The following BCAP31 variants were observed in gnomAD, a reference collection of about 807,000 sequenced individuals.
The protein encoded by BCAP31 is B-cell receptor-associated protein 31.
For synonymous variants in BCAP31, 75 were observed against 80.9 expected, an observed-to-expected ratio of 0.93 and a Z score of 0.39; for missense variants, 124 against 193.0, an observed-to-expected ratio of 0.64 and a Z score of 2.12.
At chrX:153,723,921 GGACCAAGCGCAAAGGCAGGTCTC>G (rs1275548133) in intron 1 of BCAP31, 6 of 492,143 alleles carry the variant, frequency 1.2e-5, no homozygotes, top group South Asian at 5.0e-5. Flanking sequence ...GCAGGATTCG[GGACCAAGCGCAAAGGCAGGTCTC>G]GACCAAGCAC....
At chrX:153,710,473 C>T (rs868921307) in intron 4 of BCAP31, among the ~76,000 whole-genome samples, 2 of 111,547 alleles carry the variant, frequency 1.8e-5, no homozygotes, top group African/African-American at 3.3e-5. Flanking sequence ...GAAATGGCCA[C>T]GATGGTTGGG....
intron 3 of BCAP31, among the ~76,000 whole-genome samples, chrX:153,720,635 AT>A (rs1221890689): frequency 1.8e-5 from 2 of 112,209 alleles, no homozygotes; most frequent in Non-Finnish European, 3.8e-5. Context: ...AAGTGCTGGG[AT>A]TACAGGCATG....
intron 4 of BCAP31, among the ~76,000 whole-genome samples, chrX:153,709,104 G>A (rs1282596692): frequency 8.9e-6 from 1 of 111,973 alleles, no homozygotes; most frequent in African/African-American, 3.2e-5. Context: ...GTTTTGCTGT[G>A]TATCTTTTTT....
intron 4 of BCAP31, among the ~76,000 whole-genome samples, chrX:153,704,387 G>A (rs1185584160): frequency 8.9e-6 from 1 of 112,310 alleles, no homozygotes; most frequent in East Asian, 2.8e-4. Context: ...GTCCCAGAAC[G>A]CGGCACTTTC....
At chrX:153,703,786 G>A (rs2091535250) in intron 5 of BCAP31, among the ~76,000 whole-genome samples, 173 bp downstream of exon 5, 3 of 112,318 alleles carry the variant, frequency 2.7e-5, no homozygotes, top group Admixed American at 9.4e-5. Flanking sequence ...GACGCCTCCA[G>A]CAGGCATACT....
At position 153,712,621 on chromosome X, in the gene BCAP31, T is replaced by G. The variant is rs782046789; in HGVS notation, c.341+2921A>C. On this transcript the variant is annotated intron_variant, in intron 4 of 7. Transcript: ENST00000345046. ...GGGCGTGGTGGCTCAGCTGCCGCAC[T>G]CTCCCGTGTTCCCATCCAGTAGCCT... 8.2e-5 allele frequency among the ~76,000 whole-genome samples: 9 copies of G among 109,919 alleles called. No homozygotes were observed. In the East Asian group the frequency reaches 2.6e-3, roughly 31 times the overall value.
At chrX:153,701,008 T>C in intron 7 of BCAP31, 33 bp from the exon 8 acceptor site, 1 of 1,184,493 alleles carries the variant, frequency 8.4e-7, no homozygotes, top group African/African-American at 1.8e-5. Context: ...CAGCAGTAGG[T>C]TGGCCGGGTC....
At chrX:153,705,838 G>A (rs1557048229) in intron 4 of BCAP31, among the ~76,000 whole-genome samples, 1 of 112,149 alleles carries the variant, frequency 8.9e-6, no homozygotes, top group Non-Finnish European at 1.9e-5. Context: ...AAGCAAGACT[G>A]AAGGCTATAC....
At chrX:153,720,051 C>T (rs2091654040) in intron 3 of BCAP31, among the ~76,000 whole-genome samples, 1 of 111,951 alleles carries the variant, frequency 8.9e-6, no homozygotes, top group Non-Finnish European at 1.9e-5. Flanking sequence ...TATGCTGCCA[C>T]ACATCTCTGT....
At chrX:153,708,668 C>T (rs1184413725) in intron 4 of BCAP31, among the ~76,000 whole-genome samples, 2 of 112,902 alleles carry the variant, frequency 1.8e-5, no homozygotes, top group Non-Finnish European at 3.7e-5. Flanking sequence ...AGTCAGGTGA[C>T]GCCTCAGGAA....
chrX:153,708,600 G>A (rs1557048639), intron 4 of BCAP31, among the ~76,000 whole-genome samples: 1 of 112,880 alleles, frequency 8.9e-6, no homozygotes, highest in Non-Finnish European at 1.9e-5. Flanking sequence ...TGGACTCTGG[G>A]TGAACACGCC....
rs1383963170 is a variant in BCAP31, at chrX:153,713,299, C to G, written c.341+2243G>C. ...CCACTCATGTGGGTTAGGACCACAC[C>G]TAACTACACTGTTCTGCCAGCACCT... On this transcript the variant is annotated intron_variant, in intron 4 of 7. Coordinates refer to ENST00000345046, the MANE Select transcript of BCAP31 (RefSeq NM_001256447.2). Among the ~76,000 whole-genome samples, 3 of 111,467 alleles carry G rather than the reference C, an allele frequency of 2.7e-5. No homozygotes were observed. In the Admixed American group the frequency reaches 2.9e-4, roughly 11 times the overall value.
At chrX:153,712,572 G>GT (rs1210515338) in intron 4 of BCAP31, among the ~76,000 whole-genome samples, 3 of 111,489 alleles carry the variant, frequency 2.7e-5, no homozygotes, top group African/African-American at 9.8e-5. Flanking sequence ...ACACGGGAAT[G>GT]TTTTTAAAAA....
intron 5 of BCAP31, among the ~76,000 whole-genome samples, chrX:153,703,386 C>A (rs1233479724): frequency 8.8e-6 from 1 of 113,379 alleles, no homozygotes; most frequent in African/African-American, 3.2e-5. Flanking sequence ...TGCTCACCAA[C>A]CCCTCCACAG....
intron 3 of BCAP31, among the ~76,000 whole-genome samples, chrX:153,719,278 C>T (rs782066107): frequency 2.7e-5 from 3 of 111,487 alleles, no homozygotes; most frequent in Non-Finnish European, 5.7e-5. Flanking sequence ...GACCCAAAAG[C>T]CAAAACACAC....
intron 5 of BCAP31, among the ~76,000 whole-genome samples, 176 bp from the exon 6 acceptor site, chrX:153,703,234 G>A (rs1380471662): frequency 8.8e-6 from 1 of 113,223 alleles, no homozygotes; most frequent in Non-Finnish European, 1.9e-5. Flanking sequence ...AGGCCAGGGC[G>A]TGGCTGCCCG....
At chrX:153,716,578 CAAAAAA>C (rs782072647) in intron 3 of BCAP31, among the ~76,000 whole-genome samples, 57 of 27,362 alleles carry the variant, frequency 2.1e-3, no homozygotes, top group African/African-American at 4.1e-3. Context: ...TCTCTCTCAA[CAAAAAA>C]AAAAAAAAAA....
intron 7 of BCAP31, among the ~76,000 whole-genome samples, chrX:153,701,701 C>G: frequency 8.8e-6 from 1 of 113,174 alleles, no homozygotes; most frequent in Non-Finnish European, 1.9e-5. Flanking sequence ...AGAGTTTCAC[C>G]TGCTTCTTTG....
At chrX:153,707,971 C>A (rs1291742489) in intron 4 of BCAP31, among the ~76,000 whole-genome samples, 1 of 113,193 alleles carries the variant, frequency 8.8e-6, no homozygotes, top group African/African-American at 3.2e-5. Context: ...TTACCCGAAT[C>A]ACTGTTCTTA....
Sources: gnomAD v4.1 joint callset for allele counts (sites outside exome capture counted in the v4.1 genomes callset) on GRCh38, gnomAD v4.1.1 for gene constraint, MANE v1.5 for transcripts, NCBI Gene and HGNC (gene_info 2026-07-23, HGNC 2026-07-21) for gene names.